The following TACC2 variants were observed in gnomAD, a reference collection of about 807,000 sequenced individuals.
TACC2 encodes the protein transforming acidic coiled-coil containing protein 2.
A neutral mutation model predicts 227.3 loss-of-function variants in TACC2; 137 were observed. That is an observed-to-expected ratio of 0.60 (90% confidence interval 0.52 to 0.69). TACC2 has a LOEUF of 0.69. Among genes scored for constraint, TACC2 ranks in the 30% least tolerant of loss-of-function variants. The pLI is 0.00. For synonymous variants in TACC2, 1,523 were observed against 1,487.5 expected (o/e 1.02, Z -0.55); for missense variants, 3,470 against 3,694.4 (o/e 0.94, Z 1.57).
chr10:122,217,322 C>T (rs1213009763), intron 11 of TACC2, among the ~76,000 whole-genome samples: 4 of 152,006 alleles, frequency 2.6e-5, no homozygotes, highest in African/African-American at 9.7e-5. Flanking sequence ...GCTGAGAGGG[C>T]ATGATTCCCT....
At chr10:122,130,978 T>C (rs1212252675) in intron 5 of TACC2, among the ~76,000 whole-genome samples, 1 of 152,068 alleles carries the variant, frequency 6.6e-6, no homozygotes, top group Admixed American at 6.5e-5. Flanking sequence ...CCTTCCTTCT[T>C]AGCAGTTACT....
chr10:121,993,702 C>A (rs1179683117), intron 1 of TACC2, among the ~76,000 whole-genome samples: 1 of 152,098 alleles, frequency 6.6e-6, no homozygotes, highest in Non-Finnish European at 1.5e-5. Context: ...CACAGCTCAC[C>A]GCAACCTCAA....
chr10:122,205,905 C>T lies in TACC2; in HGVS notation c.5972-4492C>T, dbSNP rs1375200802. ...GCCTACTTAAAATGGACACCTTTTC[C>T]CAGAATAAATATTACTAACTGAAGA... On this transcript the variant is annotated intron_variant, in intron 8 of 22. Transcript: ENST00000369005. This position sits in a 1 kb window ranked among gnomAD's most constrained non-coding sequence, Gnocchi z 4.5. Among the ~76,000 whole-genome samples the T allele has an allele frequency of 6.6e-6, 1 of 152,186 alleles. No homozygotes were observed. The highest frequency in any genetic ancestry group is 6.5e-5 in the Admixed American group (1 of 15,274).
intron 2 of TACC2, among the ~76,000 whole-genome samples, chr10:122,045,793 T>A (rs1479827621): frequency 1.3e-5 from 2 of 152,258 alleles, no homozygotes; most frequent in Non-Finnish European, 2.9e-5. Flanking sequence ...GTGCCATTCA[T>A]ACAGATAGTT....
chr10:122,003,736 AGCTCTG>A (rs1230385129), intron 1 of TACC2, among the ~76,000 whole-genome samples: 3 of 151,434 alleles, frequency 2.0e-5, no homozygotes, highest in African/African-American at 7.3e-5. Context: ...GCTCACTGCG[AGCTCTG>A]CCTCCCGGGT....
chr10:122,229,631 T>A, intron 15 of TACC2, 145 bp downstream of exon 15: 5 of 914,866 alleles, frequency 5.5e-6, no homozygotes, highest in Non-Finnish European at 8.4e-6. Flanking sequence ...CAAAGGATGG[T>A]ATATGTGACG....
At chr10:122,070,180 C>T (rs947631055) in intron 3 of TACC2, among the ~76,000 whole-genome samples, 7 of 152,208 alleles carry the variant, frequency 4.6e-5, no homozygotes, top group Admixed American at 2.0e-4. Flanking sequence ...CCGGTAACAT[C>T]TTATGCGTCA....
intron 11 of TACC2, among the ~76,000 whole-genome samples, chr10:122,219,532 A>G (rs1445698498): frequency 6.6e-6 from 1 of 152,188 alleles, no homozygotes; most frequent in Non-Finnish European, 1.5e-5. Flanking sequence ...TCAACAGCTT[A>G]GTAATGTCAG....
rs1350739064 is a variant in TACC2, at chr10:122,226,514, A to T, written c.7724+33A>T. On this transcript the variant is annotated intron_variant, in intron 13 of 22. Transcript: ENST00000369005. ...TTCCATGATGAGAGAGTTACACATC[A>T]TGCTGGATGTTCTAAAGCCTCTGAG... 6 of 1,470,798 alleles carry T rather than the reference A, an allele frequency of 4.1e-6. No homozygotes were observed. The Admixed American group carries it at 1.0e-4, about 25-fold the overall frequency. 91.1% of individuals were successfully genotyped at this position (1,470,798 alleles called of 1,614,324 possible).
intron 7 of TACC2, among the ~76,000 whole-genome samples, chr10:122,179,681 C>A (rs2093897774): frequency 6.6e-6 from 1 of 152,204 alleles, no homozygotes; most frequent in Admixed American, 6.5e-5. Flanking sequence ...GGGCTCATGC[C>A]TGTAACCCCA....
chr10:122,194,657 G>A lies in TACC2; in HGVS notation c.5835-383G>A, dbSNP rs2094508556. On this transcript the variant is annotated intron_variant, in intron 7 of 22. Transcript: ENST00000369005. This position sits in a 1 kb window ranked among gnomAD's most constrained non-coding sequence, Gnocchi z 4.4. ...GCAGGACAGTAGAGAGGATGATGGGGTGGGATCATGTGGGTGAGTTGGCAC... is the reference window on the plus strand; with the variant it reads ...GCAGGACAGTAGAGAGGATGATGGGATGGGATCATGTGGGTGAGTTGGCAC... Among the ~76,000 whole-genome samples, 1 of 152,202 alleles carries A rather than the reference G, an allele frequency of 6.6e-6. No homozygotes were observed. Among genetic ancestry groups the A allele is most frequent in the African/African-American group, 2.4e-5 (1 of 41,456 alleles).
intron 1 of TACC2, among the ~76,000 whole-genome samples, chr10:122,019,151 C>T (rs1396568641): frequency 6.6e-6 from 1 of 152,236 alleles, no homozygotes; most frequent in Non-Finnish European, 1.5e-5. Flanking sequence ...CGGAGGTCCA[C>T]AGGGCCTCCT....
intron 5 of TACC2, among the ~76,000 whole-genome samples, chr10:122,124,964 T>G (rs1326249919): frequency 5.0e-5 from 4 of 80,644 alleles, no homozygotes; most frequent in South Asian, 4.6e-4. Context: ...CCCCGCCCCC[T>G]CCCAGCCCCC....
intron 5 of TACC2, among the ~76,000 whole-genome samples, chr10:122,112,755 AGACTC>A (rs2083840029): frequency 1.3e-5 from 2 of 152,206 alleles, no homozygotes; most frequent in East Asian, 1.9e-4. Flanking sequence ...CATGACTCAG[AGACTC>A]CTGGAAGTCT....
At position 121,996,452 on chromosome 10, in the gene TACC2, C is replaced by T. The variant is rs116605384; in HGVS notation, c.-46+6964C>T. Among the ~76,000 whole-genome samples the T allele has an allele frequency of 6.9e-3, 1,044 of 152,176 alleles. 11 individuals carry two copies. The highest frequency in any genetic ancestry group is 0.024 in the African/African-American group (992 of 41,506). ...GGCACCAAACCATTCCTGAGGGATC[C>T]GCCCCCATGACCTCCCACCAGGCCC... is the stretch of plus-strand genomic sequence containing the variant. On this transcript the variant is annotated intron_variant, in intron 1 of 22. Coordinates refer to ENST00000369005, the MANE Select transcript of TACC2 (RefSeq NM_206862.4).
chr10:122,215,981 C>T (rs575924669), intron 10 of TACC2, among the ~76,000 whole-genome samples: 6 of 152,310 alleles, frequency 3.9e-5, no homozygotes, highest in African/African-American at 1.4e-4. Context: ...GGAAAGTTAT[C>T]GTCAAGCCTG....
intron 2 of TACC2, among the ~76,000 whole-genome samples, chr10:122,040,817 C>A (rs1238246436): frequency 1.3e-5 from 2 of 152,158 alleles, no homozygotes; most frequent in Non-Finnish European, 1.5e-5. Context: ...GGTGCACAGA[C>A]CCCAGACCTA....
intron 2 of TACC2, among the ~76,000 whole-genome samples, chr10:122,045,486 G>C (rs1222350942): frequency 2.0e-5 from 3 of 152,196 alleles, no homozygotes; most frequent in Admixed American, 6.5e-5. Flanking sequence ...CGGGCTCTAA[G>C]GATTGAATGA....
rs71026009 is a variant in TACC2 at position 122,183,204 on chromosome 10, C to CAA, written c.5835-11829_5835-11828dup. 2.4e-4 allele frequency among the ~76,000 whole-genome samples: 35 copies of CAA among 145,932 alleles called. No homozygotes were observed. In the East Asian group the frequency reaches 4.0e-3, roughly 17 times the overall value. On this transcript the variant is annotated intron_variant, in intron 7 of 22. Transcript: ENST00000369005. Reference sequence around the variant, plus strand: ...TGGGTAACAGAGTGAGACTCTGTCTCAAAAAAAACAAAAAAACAAACAAAA... The same window carrying CAA: ...TGGGTAACAGAGTGAGACTCTGTCTCAAAAAAAAAACAAAAAAACAAACAAAA...
Sources: allele counts gnomAD v4.1 joint callset (sites outside exome capture counted in the v4.1 genomes callset), GRCh38; gene constraint gnomAD v4.1.1; non-coding constraint Gnocchi (gnomAD v3.1); transcripts MANE v1.5; gene names NCBI Gene and HGNC (gene_info 2026-07-23, HGNC 2026-07-21).